PRKCB: variants seen among roughly 807,000 people sequenced by gnomAD.
PRKCB encodes the protein protein kinase C beta type.
A neutral mutation model predicts 81.5 loss-of-function variants in PRKCB; 13 were observed. That is an observed-to-expected ratio of 0.16 (90% confidence interval 0.10 to 0.25). The LOEUF is 0.25. Ranked by LOEUF, PRKCB falls within the 10% of genes least tolerant of loss-of-function variation. The probability of loss-of-function intolerance (pLI) is 1.00; values close to 1 mark genes in which losing one functional copy is unlikely to be tolerated. For synonymous variants in PRKCB, 335 were observed against 321.4 expected, an observed-to-expected ratio of 1.04 and a Z score of -0.45; for missense variants, 509 against 875.7, an observed-to-expected ratio of 0.58 and a Z score of 5.29.
At chr16:24,081,051 G>A (rs1966242451) in intron 5 of PRKCB, among the ~76,000 whole-genome samples, 1 of 152,070 alleles carries the variant, frequency 6.6e-6, no homozygotes, top group East Asian at 1.9e-4. Flanking sequence ...TTTGTGTTTT[G>A]CAGAACAAAT....
chr16:24,049,153 A>T (rs1965806839), intron 5 of PRKCB, among the ~76,000 whole-genome samples: 1 of 133,286 alleles, frequency 7.5e-6, no homozygotes, highest in Admixed American at 8.9e-5. Context: ...AAGCAGGTGG[A>T]TGGAGAAGAC....
intron 16 of PRKCB, among the ~76,000 whole-genome samples, chr16:24,192,430 G>T (rs1967807855): frequency 2.0e-5 from 3 of 152,210 alleles, no homozygotes. Context: ...CAGCATCACA[G>T]CTTTTATGGG....
chr16:23,857,369 G>A (rs529457709), intron 2 of PRKCB, among the ~76,000 whole-genome samples: 1 of 152,170 alleles, frequency 6.6e-6, no homozygotes, highest in East Asian at 1.9e-4. Context: ...GAGGGAGGGA[G>A]GAGGAGGTGT....
At chr16:23,971,446 T>C (rs1349151759) in intron 2 of PRKCB, among the ~76,000 whole-genome samples, 1 of 152,032 alleles carries the variant, frequency 6.6e-6, no homozygotes, top group Non-Finnish European at 1.5e-5. Context: ...TCCTGCCTTC[T>C]TTGTCCTACT....
intron 3 of PRKCB, among the ~76,000 whole-genome samples, chr16:24,031,191 T>A (rs1163910298): frequency 6.6e-6 from 1 of 152,204 alleles, no homozygotes; most frequent in Non-Finnish European, 1.5e-5. Context: ...CAAGGGCATA[T>A]TTATTGATTA....
At chr16:24,074,751 T>TC (rs1966157440) in intron 5 of PRKCB, among the ~76,000 whole-genome samples, 1 of 151,948 alleles carries the variant, frequency 6.6e-6, no homozygotes, top group Non-Finnish European at 1.5e-5. Context: ...GGGAGGGAAA[T>TC]CTGTAAGGAG....
rs143137029 is a variant in PRKCB, at chr16:24,120,376, G to A, written c.919-3459G>A. 4.6e-4 allele frequency among the ~76,000 whole-genome samples: 70 copies of A among 152,252 alleles called. 1 individual carries two copies. The East Asian group carries it at 0.012, about 26-fold the overall frequency. ...AAAACATGAATAAAGAGAAAATGGC[G>A]GATGCTTTGTTAGCCATGGTTCCTA... On this transcript the variant is annotated intron_variant, in intron 8 of 16. Coordinates refer to ENST00000643927, the MANE Select transcript of PRKCB (RefSeq NM_002738.7).
In PRKCB at chr16:24,172,381, G is replaced by A. The variant is rs1373876332; in HGVS notation, c.1331+20G>A. 3.7e-6 allele frequency: 6 copies of A among 1,606,690 alleles called. No homozygotes were observed. Among genetic ancestry groups the A allele is most frequent in the Non-Finnish European group, 4.3e-6 (5 of 1,174,570 alleles). On this transcript the variant is annotated intron_variant, in intron 11 of 16. Coordinates refer to ENST00000643927, the MANE Select transcript of PRKCB (RefSeq NM_002738.7). Reference sequence around the variant, plus strand: ...TGCTGTGTAAGTGAGAACTAGTGCTGTGCTTTCTCCTTGGGATAAATGGGT... The same window carrying A: ...TGCTGTGTAAGTGAGAACTAGTGCTATGCTTTCTCCTTGGGATAAATGGGT...
chr16:23,922,983 T>C (rs1455403557), intron 2 of PRKCB, among the ~76,000 whole-genome samples: 1 of 152,134 alleles, frequency 6.6e-6, no homozygotes, highest in African/African-American at 2.4e-5. Context: ...GTTACCTTTT[T>C]TTCCTGCCTC....
intron 16 of PRKCB, among the ~76,000 whole-genome samples, chr16:24,203,382 G>A (rs1967991901): frequency 6.6e-6 from 1 of 152,054 alleles, no homozygotes; most frequent in Non-Finnish European, 1.5e-5. Context: ...CTGATAGAAG[G>A]CATCACATGG....
At chr16:23,971,851 G>A (rs1326072336) in intron 2 of PRKCB, among the ~76,000 whole-genome samples, 1 of 152,022 alleles carries the variant, frequency 6.6e-6, no homozygotes, top group African/African-American at 2.4e-5. Context: ...CAAAACAATG[G>A]CAGTTTCTTA....
At chr16:24,021,074 T>TCCCTCCCTCCCTC (rs761915069) in intron 3 of PRKCB, among the ~76,000 whole-genome samples, 1 of 58,232 alleles carries the variant, frequency 1.7e-5, no homozygotes, top group African/African-American at 6.6e-5. Flanking sequence ...CTCCCTCCCT[T>TCCCTCCCTCCCTC]CTTTCTTTCT....
chr16:24,160,919 G>A (rs1053605227), intron 10 of PRKCB, among the ~76,000 whole-genome samples: 3 of 152,114 alleles, frequency 2.0e-5, no homozygotes, highest in Non-Finnish European at 2.9e-5. Flanking sequence ...AGCATGCTCC[G>A]CGTGTTTGAG....
chr16:23,935,365 C>A (rs1455811879), intron 2 of PRKCB, among the ~76,000 whole-genome samples: 1 of 152,202 alleles, frequency 6.6e-6, no homozygotes, highest in South Asian at 2.1e-4. Context: ...CTGAACATCA[C>A]TGATTAGACC....
intron 2 of PRKCB, among the ~76,000 whole-genome samples, chr16:23,982,200 C>T: frequency 2.3e-5 from 1 of 43,054 alleles, no homozygotes; most frequent in Admixed American, 1.9e-4. Context: ...TCTTCCCTTC[C>T]CCTTCCCTTC....
At chr16:24,127,059 G>A (rs1322241039) in intron 9 of PRKCB, among the ~76,000 whole-genome samples, 1 of 143,248 alleles carries the variant, frequency 7.0e-6, no homozygotes, top group Non-Finnish European at 1.5e-5. Context: ...AGGCTGGAGT[G>A]CAATGGCACA....
chr16:24,177,695 A>G (rs751628165), intron 12 of PRKCB, among the ~76,000 whole-genome samples: 30 of 152,232 alleles, frequency 2.0e-4, no homozygotes, highest in Admixed American at 1.4e-3. Flanking sequence ...AGCAATAGGC[A>G]GAGTCCAGCA....
chr16:24,140,619 C>T (rs921787120), intron 9 of PRKCB, among the ~76,000 whole-genome samples: 1 of 151,792 alleles, frequency 6.6e-6, no homozygotes, highest in South Asian at 2.1e-4. Flanking sequence ...TGGGTGGGGT[C>T]GCAGGACTGG....
At chr16:23,902,734 CTT>C (rs1963495700) in intron 2 of PRKCB, among the ~76,000 whole-genome samples, 1 of 18,244 alleles carries the variant, frequency 5.5e-5, no homozygotes, top group Admixed American at 5.4e-4. Flanking sequence ...CCCTTCCTCC[CTT>C]CCTTCCTTCC....
Sources: allele counts gnomAD v4.1 joint callset (sites outside exome capture counted in the v4.1 genomes callset), GRCh38; gene constraint gnomAD v4.1.1; transcripts MANE v1.5; gene names NCBI Gene and HGNC (gene_info 2026-07-23, HGNC 2026-07-21).